CALN1: variants seen among roughly 807,000 people sequenced by gnomAD.
CALN1 encodes the protein calcium-binding protein 8.
CALN1 carries 17 observed loss-of-function variants against 30.6 expected under a neutral mutation model. That is an observed-to-expected ratio of 0.56 (90% CI 0.38 to 0.83). The LOEUF (loss-of-function observed/expected upper bound fraction) is 0.83. Among genes scored for constraint, CALN1 ranks in the 40% least tolerant of loss-of-function variants. CALN1 has a pLI of 0.00. For missense variants in CALN1, 291 were observed against 354.9 expected (o/e 0.82, Z 1.45); for synonymous variants, 156 against 131.4 (o/e 1.19, Z -1.28).
rs570389757 is a variant in CALN1 at position 71,815,929 on chromosome 7, G to A, written c.502-5437C>T. 2.0e-5 allele frequency among the ~76,000 whole-genome samples: 3 copies of A among 150,928 alleles called. No homozygotes were observed. The South Asian group carries it at 6.4e-4, about 32-fold the overall frequency. On this transcript the variant is annotated intron_variant, in intron 5 of 6. Transcript: ENST00000395275. ...TTCTTGCTTTGTCACCCAGGCTAGA[G>A]TGCAGTAGTGCGATCATAGCTTACC... is the stretch of plus-strand genomic sequence containing the variant.
At chr7:72,472,054 C>T in the CALN1 span, among the ~76,000 whole-genome samples, 4 of 152,084 alleles carry the variant, frequency 2.6e-5, no homozygotes, top group Non-Finnish European at 5.9e-5. Context: ...CCTCGACCTC[C>T]CAAAGTGCTG....
chr7:72,154,144 GA>G lies in CALN1; in HGVS notation c.245-47851del, dbSNP rs1421046559. Among the ~76,000 whole-genome samples, 4 of 151,786 alleles carry G rather than the reference GA, an allele frequency of 2.6e-5. No individual in the cohort carries two copies. The East Asian group carries it at 7.7e-4, about 29-fold the overall frequency. On this transcript the variant is annotated intron_variant, in intron 3 of 6. Transcript: ENST00000395275. ...ACAGAAGGCTGGGATTGGGAAAATA[GA>G]AATGGCTTCAACTCCTAGAAAGATA...
chr7:72,151,901 TA>T (rs1294791473), intron 3 of CALN1, among the ~76,000 whole-genome samples: 1 of 144,400 alleles, frequency 6.9e-6, no homozygotes, highest in Non-Finnish European at 1.5e-5. Context: ...TTTTTATTTT[TA>T]TTCTTTTCTT....
chr7:72,421,419 G>A (rs368170745), intron 1 of CALN1, among the ~76,000 whole-genome samples: 4 of 151,862 alleles, frequency 2.6e-5, no homozygotes, highest in South Asian at 2.1e-4. Flanking sequence ...CACCTTTTCC[G>A]AATTGTTTTT....
At chr7:72,185,247 C>A (rs549869496) in intron 3 of CALN1, among the ~76,000 whole-genome samples, 2 of 152,004 alleles carry the variant, frequency 1.3e-5, no homozygotes, top group Non-Finnish European at 2.9e-5. Context: ...GGAAAGAGAT[C>A]CAATCTCTTT....
intron 4 of CALN1, among the ~76,000 whole-genome samples, chr7:72,059,308 G>A (rs1434286227): frequency 5.3e-5 from 8 of 152,056 alleles, no homozygotes; most frequent in Non-Finnish European, 2.9e-5. Flanking sequence ...TGATAGGGAT[G>A]GTATATTAAA....
Position 72,167,995 on chromosome 7 carries a change from C to G in CALN1, c.245-61701G>C, listed in dbSNP as rs983433772. On this transcript the variant is annotated intron_variant, in intron 3 of 6. Transcript: ENST00000395275. ...CCTAAGCACTCTCAACAAGCTTATA[C>G]AGTAGCTGTGAACTTAATAAAGGAA... Among the ~76,000 whole-genome samples, 15 of 152,298 alleles carry G rather than the reference C, an allele frequency of 9.8e-5. No individual in the cohort carries two copies. The East Asian group carries it at 2.1e-3, about 22-fold the overall frequency.
chr7:72,332,658 C>G (rs1801753355), intron 2 of CALN1, among the ~76,000 whole-genome samples: 1 of 152,122 alleles, frequency 6.6e-6, no homozygotes, highest in African/African-American at 2.4e-5. Flanking sequence ...CCTGAGTATT[C>G]CATGCCTGGT....
chr7:71,878,127 C>A (rs533732083), intron 5 of CALN1, among the ~76,000 whole-genome samples: 13 of 151,996 alleles, frequency 8.6e-5, no homozygotes, highest in Non-Finnish European at 1.5e-4. Context: ...AGAAGACAAA[C>A]CAGTAGACTA....
chr7:72,064,008 T>C (rs1037246634), intron 4 of CALN1, among the ~76,000 whole-genome samples: 1 of 152,214 alleles, frequency 6.6e-6, no homozygotes, highest in Non-Finnish European at 1.5e-5. Context: ...GCACGGTGGC[T>C]CATGCCTGTA....
intron 2 of CALN1, among the ~76,000 whole-genome samples, chr7:72,355,989 G>A (rs1400192785): frequency 6.6e-6 from 1 of 152,142 alleles, no homozygotes; most frequent in Non-Finnish European, 1.5e-5. Flanking sequence ...AAAAAATTAT[G>A]GTTGTACAAA....
chr7:72,278,359 T>TA (rs1046225962), intron 3 of CALN1, among the ~76,000 whole-genome samples: 1 of 152,020 alleles, frequency 6.6e-6, no homozygotes, highest in Non-Finnish European at 1.5e-5. Flanking sequence ...CCATTGGTGA[T>TA]AAAGACTCCG....
chr7:72,359,307 A>G (rs1361828123), intron 2 of CALN1, among the ~76,000 whole-genome samples: 2 of 152,190 alleles, frequency 1.3e-5, no homozygotes, highest in Non-Finnish European at 2.9e-5. Flanking sequence ...CCAATGTGAA[A>G]AACAATATTC....
chr7:72,436,099 A>T (rs531459858), intron 1 of CALN1, among the ~76,000 whole-genome samples: 1 of 152,324 alleles, frequency 6.6e-6, no homozygotes, highest in Non-Finnish European at 1.5e-5. Flanking sequence ...AAGCACAGAC[A>T]GTGCTGTATT....
At chr7:71,918,157 ACT>A (rs1222118465) in intron 5 of CALN1, among the ~76,000 whole-genome samples, 1 of 152,194 alleles carries the variant, frequency 6.6e-6, no homozygotes, top group Non-Finnish European at 1.5e-5. Flanking sequence ...ACACAGCTAT[ACT>A]TGCTTATCAC....
chr7:72,422,122 C>A (rs1468646231), intron 1 of CALN1, among the ~76,000 whole-genome samples: 1 of 152,156 alleles, frequency 6.6e-6, no homozygotes, highest in East Asian at 1.9e-4. Flanking sequence ...ATAATGACTT[C>A]TTTTCTTTTG....
At chr7:72,314,633 T>C (rs1800308110) in intron 2 of CALN1, among the ~76,000 whole-genome samples, 1 of 151,310 alleles carries the variant, frequency 6.6e-6, no homozygotes, top group Admixed American at 6.6e-5. Context: ...TTGGCCAGGC[T>C]CAAACTCCTG....
At chr7:72,500,547 T>A in the CALN1 span, among the ~76,000 whole-genome samples, 1 of 152,204 alleles carries the variant, frequency 6.6e-6, no homozygotes, top group African/African-American at 2.4e-5. Context: ...CCCAAAGTGC[T>A]GGGATTACAG....
At chr7:72,431,407 C>A (rs78743421) in intron 1 of CALN1, among the ~76,000 whole-genome samples, 1 of 152,168 alleles carries the variant, frequency 6.6e-6, no homozygotes, top group Non-Finnish European at 1.5e-5. Context: ...CCAGCACACA[C>A]GCACACATGT....
Sources: allele counts gnomAD v4.1 joint callset (sites outside exome capture counted in the v4.1 genomes callset), GRCh38; gene constraint gnomAD v4.1.1; transcripts MANE v1.5; gene names NCBI Gene and HGNC (gene_info 2026-07-23, HGNC 2026-07-21).